PTCHD4: variants seen among roughly 807,000 people sequenced by gnomAD.
The protein encoded by PTCHD4 is patched domain containing 4, also known as patched domain-containing protein 4.
A neutral mutation model predicts 58.1 loss-of-function variants in PTCHD4; 33 were observed. The ratio of observed to expected loss-of-function variants is 0.57; its 90% CI spans 0.43 to 0.76. PTCHD4 has a LOEUF of 0.76. PTCHD4 is among the 30% of genes least tolerant of loss of function. The probability of loss-of-function intolerance (pLI) is 0.00; values close to 1 mark genes in which losing one functional copy is unlikely to be tolerated. For synonymous variants in PTCHD4, 478 were observed against 409.6 expected (o/e 1.17, Z -2.02); for missense variants, 1,058 against 1,027.1 (o/e 1.03, Z -0.41).
At chr6:47,941,181 C>T (rs1766207036) in intron 4 of PTCHD4, among the ~76,000 whole-genome samples, 1 of 152,144 alleles carries the variant, frequency 6.6e-6, no homozygotes, top group African/African-American at 2.4e-5. Context: ...GATTAAAGTC[C>T]ACCAATGAGA....
At chr6:47,905,977 C>T (rs1444683469) in intron 4 of PTCHD4, among the ~76,000 whole-genome samples, 1 of 152,196 alleles carries the variant, frequency 6.6e-6, no homozygotes, top group African/African-American at 2.4e-5. Context: ...GTCTGTGGGG[C>T]CCCTGGGGGC....
chr6:48,105,070 A>G (rs188972220), intron 1 of PTCHD4, among the ~76,000 whole-genome samples: 127 of 152,330 alleles, frequency 8.3e-4, no homozygotes, highest in African/African-American at 2.9e-3. Context: ...AAGGATATCC[A>G]GGAATTGAAC....
At chr6:48,094,313 T>C (rs951224001) in intron 1 of PTCHD4, among the ~76,000 whole-genome samples, 1 of 152,140 alleles carries the variant, frequency 6.6e-6, no homozygotes, top group Admixed American at 6.5e-5. Context: ...AATGAAGATA[T>C]GAATCACGAG....
chr6:48,076,559 T>C (rs887963796), intron 1 of PTCHD4, among the ~76,000 whole-genome samples: 1 of 152,358 alleles, frequency 6.6e-6, no homozygotes, highest in South Asian at 2.1e-4. Flanking sequence ...ATTCCTGGAC[T>C]GAAGAATGGA....
intron 1 of PTCHD4, among the ~76,000 whole-genome samples, chr6:48,082,941 T>G (rs1478873168): frequency 6.6e-6 from 1 of 151,908 alleles, no homozygotes; most frequent in Non-Finnish European, 1.5e-5. Flanking sequence ...AGTTCCATAT[T>G]TCTGCCTTTT....
At chr6:47,961,064 A>G (rs1297595948) in intron 4 of PTCHD4, among the ~76,000 whole-genome samples, 2 of 151,680 alleles carry the variant, frequency 1.3e-5, no homozygotes, top group Non-Finnish European at 2.9e-5. Flanking sequence ...TACAGAGAGC[A>G]CTTACCGCAA....
chr6:47,951,185 C>T (rs1291326659), intron 4 of PTCHD4, among the ~76,000 whole-genome samples: 1 of 152,208 alleles, frequency 6.6e-6, no homozygotes, highest in East Asian at 1.9e-4. Context: ...TTTGAAAACT[C>T]AAGTAGTTTT....
rs539187215 is a variant in PTCHD4, at chr6:48,049,537, T to C, written c.417+18693A>G. On this transcript the variant is annotated intron_variant, in intron 3 of 4. Coordinates refer to ENST00000339488, the MANE Select transcript of PTCHD4 (RefSeq NM_001384253.1). ...AGACTGGTTCTTCTTTTGTGCAAAG[T>C]GTTCTTGCATTTCTCCACCTGATTC... 3.9e-5 allele frequency among the ~76,000 whole-genome samples: 6 copies of C among 152,048 alleles called. No homozygotes were observed. In the East Asian group the frequency reaches 1.2e-3, roughly 29 times the overall value.
chr6:47,886,975 A>G (rs1764213373), intron 4 of PTCHD4, among the ~76,000 whole-genome samples: 1 of 152,190 alleles, frequency 6.6e-6, no homozygotes, highest in African/African-American at 2.4e-5. Flanking sequence ...TGGTGGGCCC[A>G]TCTTTTAGCC....
chr6:48,047,289 C>T (rs1479804563), intron 3 of PTCHD4, among the ~76,000 whole-genome samples: 1 of 151,546 alleles, frequency 6.6e-6, no homozygotes, highest in Non-Finnish European at 1.5e-5. Flanking sequence ...AAGAAAATCC[C>T]CCTCTAATTA....
chr6:47,953,391 T>A (rs1392267407), intron 4 of PTCHD4, among the ~76,000 whole-genome samples: 1 of 152,160 alleles, frequency 6.6e-6, no homozygotes, highest in Non-Finnish European at 1.5e-5. Context: ...TTAGATGAGA[T>A]TTTAATCAAG....
At chr6:48,105,734 T>C (rs570941718) in intron 1 of PTCHD4, among the ~76,000 whole-genome samples, 1 of 150,762 alleles carries the variant, frequency 6.6e-6, no homozygotes, top group East Asian at 2.0e-4. Context: ...GAGAGAAGAA[T>C]CAAAGAGACG....
At chr6:47,951,251 A>G (rs1766635801) in intron 4 of PTCHD4, among the ~76,000 whole-genome samples, 1 of 152,148 alleles carries the variant, frequency 6.6e-6, no homozygotes. Context: ...GTAGTAGCTC[A>G]TTACTTCAGG....
intron 4 of PTCHD4, among the ~76,000 whole-genome samples, chr6:47,982,996 A>G (rs535586698): frequency 7.9e-5 from 12 of 152,224 alleles, no homozygotes; most frequent in Non-Finnish European, 1.6e-4. Context: ...TATATTATGT[A>G]CATGACAAAG....
intron 3 of PTCHD4, among the ~76,000 whole-genome samples, chr6:48,049,949 C>T (rs1185872129): frequency 6.6e-6 from 1 of 151,886 alleles, no homozygotes; most frequent in Non-Finnish European, 1.5e-5. Flanking sequence ...CAATGTAAAA[C>T]TACATCAAAT....
At chr6:47,979,341 T>C (rs1767799757) in intron 4 of PTCHD4, among the ~76,000 whole-genome samples, 1 of 151,866 alleles carries the variant, frequency 6.6e-6, no homozygotes, top group Non-Finnish European at 1.5e-5. Flanking sequence ...TTTACATAAA[T>C]GAAAAAAGAA....
chr6:48,072,555 T>C (rs538189125), intron 1 of PTCHD4, among the ~76,000 whole-genome samples: 29 of 152,314 alleles, frequency 1.9e-4, no homozygotes, highest in African/African-American at 6.7e-4. Context: ...GCCTTTGTTT[T>C]ATTGGAGAAT....
rs149007451 is a variant in PTCHD4 at position 47,870,292 on chromosome 6, G to A, written c.*8011C>T. On this transcript the variant is annotated 3_prime_UTR_variant, in exon 5 of 5. Coordinates refer to ENST00000339488, the MANE Select transcript of PTCHD4 (RefSeq NM_001384253.1). ...CTTTAGATAATAGATTTGTCATGCA[G>A]ATAAATTATGAGCAATTTAACTAAA... Among the ~76,000 whole-genome samples the A allele has an allele frequency of 8.5e-4, 129 of 151,664 alleles. 2 individuals are homozygous for A. Among genetic ancestry groups the A allele is most frequent in the Middle Eastern group, 6.8e-3 (2 of 294 alleles).
At chr6:47,995,553 T>C (rs780451659) in intron 4 of PTCHD4, among the ~76,000 whole-genome samples, 3 of 152,352 alleles carry the variant, frequency 2.0e-5, no homozygotes, top group Non-Finnish European at 4.4e-5. Context: ...CTTAATGGGA[T>C]TCCTTCGTTG....
Sources: gnomAD v4.1 joint callset for allele counts (sites outside exome capture counted in the v4.1 genomes callset) on GRCh38, gnomAD v4.1.1 for gene constraint, MANE v1.5 for transcripts, NCBI Gene and HGNC (gene_info 2026-07-23, HGNC 2026-07-21) for gene names.